The following MTMR6 variants were observed in gnomAD, a reference collection of about 807,000 sequenced individuals.
MTMR6 encodes the protein phosphatidylinositol-3,5-bisphosphate 3-phosphatase MTMR6.
In MTMR6, 47 loss-of-function variants were observed where a neutral mutation model predicts 80.1. The ratio of observed to expected loss-of-function variants is 0.59; its 90% confidence interval spans 0.46 to 0.75. The LOEUF is 0.75. MTMR6 is among the 30% of genes least tolerant of loss of function. The probability of loss-of-function intolerance (pLI) is 0.00; values close to 1 mark genes in which losing one functional copy is unlikely to be tolerated. For synonymous variants in MTMR6, 254 were observed against 253.0 expected, an observed-to-expected ratio of 1.00 and a Z score of -0.04; for missense variants, 629 against 730.9, an observed-to-expected ratio of 0.86 and a Z score of 1.61.
At chr13:25,254,313 C>G (rs1957147628) in intron 10 of MTMR6, 72 bp downstream of exon 10, 2 of 1,096,448 alleles carry the variant, frequency 1.8e-6, no homozygotes, top group Admixed American at 3.5e-5. Flanking sequence ...TCATAAGGAA[C>G]AGAAACATTT....
chr13:25,270,183 T>C (rs1479258832), intron 2 of MTMR6, among the ~76,000 whole-genome samples: 3 of 152,186 alleles, frequency 2.0e-5, no homozygotes, highest in African/African-American at 7.2e-5. Context: ...GTTCTGATTT[T>C]AATTATAAAA....
intron 5 of MTMR6, 80 bp downstream of exon 5, chr13:25,265,739 A>C: frequency 6.7e-7 from 1 of 1,497,672 alleles, no homozygotes. Context: ...CTCAAAAAAA[A>C]AAAAAAAGTG....
At chr13:25,274,947 C>CACACACACAT (rs1566042674) in intron 1 of MTMR6, among the ~76,000 whole-genome samples, 33 of 127,064 alleles carry the variant, frequency 2.6e-4, no homozygotes, top group Middle Eastern at 3.8e-3. Flanking sequence ...CAGACACACA[C>CACACACACAT]ACACACACAC....
intron 2 of MTMR6, among the ~76,000 whole-genome samples, chr13:25,272,929 T>C (rs1881763426): frequency 1.3e-5 from 2 of 152,196 alleles, no homozygotes; most frequent in South Asian, 4.1e-4. Flanking sequence ...TGATTTATTT[T>C]CCTTTGAGTA....
intron 9 of MTMR6, among the ~76,000 whole-genome samples, chr13:25,255,588 A>G (rs535651650): frequency 6.6e-5 from 10 of 152,178 alleles, no homozygotes; most frequent in East Asian, 5.8e-4. Flanking sequence ...CAGTGGCGCA[A>G]TCTTGGCTCA....
At chr13:25,257,624 TA>T (rs1269545171) in intron 8 of MTMR6, 111 bp downstream of exon 8, 38 of 754,286 alleles carry the variant, frequency 5.0e-5, no homozygotes, top group South Asian at 2.9e-4. Flanking sequence ...ATTAAAGAGG[TA>T]AAAAATAATA....
At chr13:25,286,573 A>G (rs928505218) in intron 1 of MTMR6, among the ~76,000 whole-genome samples, 2 of 152,258 alleles carry the variant, frequency 1.3e-5, no homozygotes, top group Non-Finnish European at 2.9e-5. Context: ...TTAAGCATGG[A>G]GTGCAATAAG....
chr13:25,254,245 C>A, intron 10 of MTMR6, 140 bp downstream of exon 10: 1 of 719,670 alleles, frequency 1.4e-6, no homozygotes. Flanking sequence ...AATTAAATGT[C>A]TTTACGTAAA....
intron 1 of MTMR6, among the ~76,000 whole-genome samples, chr13:25,284,202 C>T (rs115003456): frequency 0.011 from 1,630 of 152,190 alleles, 29 homozygotes; most frequent in African/African-American, 0.037. Context: ...AATACTAATG[C>T]ACATTTAACA....
At chr13:25,260,733 T>C (rs1274914471) in intron 6 of MTMR6, 2 of 979,670 alleles carry the variant, frequency 2.0e-6, no homozygotes, top group Admixed American at 3.9e-5. Flanking sequence ...CACTGAGGAT[T>C]TTAATTATTT....
chr13:25,287,176 C>A lies in MTMR6; in HGVS notation c.24+48G>T, dbSNP rs369804750. 4 of 1,574,616 alleles carry A rather than the reference C, an allele frequency of 2.5e-6. No homozygotes were observed. In the South Asian group the frequency reaches 4.6e-5, roughly 18 times the overall value. On this transcript the variant is annotated intron_variant, in intron 1 of 13. Transcript: ENST00000381801. ...AGCCTTCGTCTCCTCCTGCCTCAGCCGGGTCAGAGCAGGGCCCCTGAAGAC... is the reference window on the plus strand; with the variant it reads ...AGCCTTCGTCTCCTCCTGCCTCAGCAGGGTCAGAGCAGGGCCCCTGAAGAC...
Position 25,251,954 on chromosome 13 carries a change from T to C in MTMR6, c.1377A>G (p.Pro459=), listed in dbSNP as rs1229886786. ...KLKEKTYSLW[P]FLLEDQKKYL... Reference sequence around the variant, plus strand: ...ACTTCTTTTGGTCTTCCAAAAGAAATGGCCACAGGGAATAAGTCTTCTCCT... The same window carrying C: ...ACTTCTTTTGGTCTTCCAAAAGAAACGGCCACAGGGAATAAGTCTTCTCCT... Residue 459 remains proline (P), a synonymous_variant, in exon 12 of 14, where the codon CCA becomes CCG. Coordinates refer to ENST00000381801, the MANE Select transcript of MTMR6 (RefSeq NM_004685.5). This position sits in a 1 kb window ranked among gnomAD's most constrained non-coding sequence, Gnocchi z 4.1. The C allele has an allele frequency of 8.7e-6, 14 of 1,611,156 alleles. No individual in the cohort carries two copies. The South Asian group carries it at 1.6e-4, about 18-fold the overall frequency.
In MTMR6 at chr13:25,248,399, A is replaced by G. The variant is rs1241218945; in HGVS notation, c.*833T>C. 6.6e-6 allele frequency: 1 copy of G among 152,188 alleles called. No homozygotes were observed. The highest frequency in any genetic ancestry group is 1.5e-5 in the Non-Finnish European group (1 of 68,004). 9.4% of individuals were successfully genotyped at this position (152,188 alleles called of 1,614,324 possible). ...AAAGCCAACCACAAAATAAGAATCA[A>G]TGGAATGCAGTAATCCATATATAAA... On this transcript the variant is annotated 3_prime_UTR_variant, in exon 14 of 14. Transcript: ENST00000381801.
In MTMR6 at chr13:25,274,092, G is replaced by T. The variant is rs746451096; in HGVS notation, c.120C>A (p.Asp40Glu). The T allele has an allele frequency of 4.4e-6, 7 of 1,606,328 alleles. No homozygotes were observed. Among genetic ancestry groups the T allele is most frequent in the Non-Finnish European group, 6.0e-6 (7 of 1,174,590 alleles). Reference protein sequence around the residue: ...YLTATHLLFIDSHQKETWILH... With the variant: ...YLTATHLLFIESHQKETWILH... The stretch of plus-strand genomic sequence containing the variant: ...TTACCCAGGTTTCTTTTTGATGAGA[G>T]TCGATAAATAATAGATGTGTAGCCG... The change falls in exon 2 of 14, where the codon GAC (aspartate) becomes GAA (glutamate). Residue 40 changes from aspartate to glutamate, a missense_variant. Asp to Glu is a conservative substitution (Grantham distance 45, BLOSUM62 2). Transcript: ENST00000381801.
At chr13:25,272,703 G>T (rs1177131441) in intron 2 of MTMR6, among the ~76,000 whole-genome samples, 2 of 152,120 alleles carry the variant, frequency 1.3e-5, no homozygotes, top group East Asian at 3.9e-4. Context: ...GCAGTATACG[G>T]TTTTTTGTTT....
intron 10 of MTMR6, 93 bp downstream of exon 10, chr13:25,254,292 C>T (rs900881710): frequency 5.4e-5 from 48 of 889,812 alleles, no homozygotes; most frequent in African/African-American, 6.7e-5. Flanking sequence ...CCTCCCATCA[C>T]GCATGTGAGT....
chr13:25,257,212 G>A lies in MTMR6; in HGVS notation c.1079C>T (p.Thr360Ile). Residue 360 changes from threonine to isoleucine, a missense_variant, in exon 9 of 14, where the codon ACA becomes ATA. Transcript: ENST00000381801. ...GSLLLDSYYR[T>I]IKGFMVLIEK... ...AATCCTTACCATGAATCCTTTGATTGTCCTGTAGTAGGAATCCAATAAAAG... is the reference window on the plus strand; with the variant it reads ...AATCCTTACCATGAATCCTTTGATTATCCTGTAGTAGGAATCCAATAAAAG... 6.2e-7 allele frequency: 1 copy of A among 1,613,514 alleles called. No individual in the cohort carries two copies. The highest frequency in any genetic ancestry group is 8.5e-7 in the Non-Finnish European group (1 of 1,179,696).
rs1957040652 is a variant in MTMR6 at position 25,249,437 on chromosome 13, A to G, written c.1661T>C (p.Leu554Ser). Reference protein sequence around the residue: ...QTDGILTKELLHSVHPESPNL... With the variant: ...QTDGILTKELSHSVHPESPNL... ...AGGTGATTCAGGATGAACTGAATGTAACAATTCCTTGGTGAGGATGCCATC... is the reference window on the plus strand; with the variant it reads ...AGGTGATTCAGGATGAACTGAATGTGACAATTCCTTGGTGAGGATGCCATC... Residue 554 changes from leucine to serine, a missense_variant, in exon 14 of 14, where the codon TTA becomes TCA. Physicochemically the swap from Leu to Ser is moderately radical, Grantham distance 145 (BLOSUM62 -2). Transcript: ENST00000381801. 6.2e-7 allele frequency: 1 copy of G among 1,613,964 alleles called. No individual in the cohort carries two copies. The highest frequency in any genetic ancestry group is 1.1e-5 in the South Asian group (1 of 91,088).
At position 25,253,969 on chromosome 13, in the gene MTMR6, C is replaced by A. The variant is rs752384082; in HGVS notation, c.1146-5G>T. 6.8e-6 allele frequency: 11 copies of A among 1,613,902 alleles called. No homozygotes were observed. Among genetic ancestry groups the A allele is most frequent in the East Asian group, 6.7e-5 (3 of 44,878 alleles). ...TCACCATCCAACTGGCCACACCTAA[C>A]CCCACAGAAAGTATAAGCTTTTAAA... is the stretch of plus-strand genomic sequence containing the variant. On this transcript the variant is annotated splice_polypyrimidine_tract_variant and splice_region_variant and intron_variant, in intron 10 of 13. Transcript: ENST00000381801.
Sources: allele counts gnomAD v4.1 joint callset (sites outside exome capture counted in the v4.1 genomes callset), GRCh38; gene constraint gnomAD v4.1.1; non-coding constraint Gnocchi (gnomAD v3.1); transcripts MANE v1.5; gene names NCBI Gene and HGNC (gene_info 2026-07-23, HGNC 2026-07-21).